LRIF1: variants seen among roughly 807,000 people sequenced by gnomAD.
The protein encoded by LRIF1 is ligand-dependent nuclear receptor-interacting factor 1.
LRIF1 carries 32 observed loss-of-function variants against 52.7 expected under a neutral mutation model. The ratio of observed to expected loss-of-function variants is 0.61; its 90% CI spans 0.46 to 0.82. LRIF1 has a LOEUF of 0.82. Ranked by LOEUF, LRIF1 falls within the 40% of genes least tolerant of loss-of-function variation. The probability of loss-of-function intolerance (pLI) is 0.00; values close to 1 mark genes in which losing one functional copy is unlikely to be tolerated. For missense variants in LRIF1, 887 were observed against 892.0 expected (o/e 0.99, Z 0.07); for synonymous variants, 323 against 317.4 (o/e 1.02, Z -0.19).
At chr1:110,921,978 C>T in the LRIF1 span, among the ~76,000 whole-genome samples, 22 of 152,318 alleles carry the variant, frequency 1.4e-4, no homozygotes, top group Admixed American at 1.3e-3. Flanking sequence ...TCCTCCCACC[C>T]TACAACCTTA....
At chr1:110,915,203 C>T in the LRIF1 span, among the ~76,000 whole-genome samples, 1 of 152,250 alleles carries the variant, frequency 6.6e-6, no homozygotes, top group African/African-American at 2.4e-5. Context: ...AATAAATTTA[C>T]GGCCGGGCGC....
At chr1:110,920,938 G>T in the LRIF1 span, among the ~76,000 whole-genome samples, 2 of 152,130 alleles carry the variant, frequency 1.3e-5, no homozygotes, top group African/African-American at 4.8e-5. Context: ...AATCTAGTTA[G>T]GAGAAATTCT....
At chr1:110,939,392 A>G in the LRIF1 span, 1 of 151,078 alleles carries the variant, frequency 6.6e-6, no homozygotes, top group African/African-American at 2.4e-5. Flanking sequence ...AAAAAAAAAA[A>G]AAAAAAGTCC....
At chr1:110,885,820 C>G in the LRIF1 span, among the ~76,000 whole-genome samples, 4 of 152,100 alleles carry the variant, frequency 2.6e-5, no homozygotes, top group Non-Finnish European at 5.9e-5. Context: ...GCCGAGATCA[C>G]ACCACTGCAC....
rs571910083 is a variant in LRIF1, at chr1:110,963,809, A to AG, written c.-122dup. ...GCTGGAGTTGCCCACAGCAACTGTG[A>AG]GGGGTTCGACCTTAACGGAGGGCGA... is the stretch of plus-strand genomic sequence containing the variant. On this transcript the variant is annotated 5_prime_UTR_variant, in exon 1 of 4. Coordinates refer to ENST00000369763, the MANE Select transcript of LRIF1 (RefSeq NM_018372.4). 114 of 748,736 alleles carry AG rather than the reference A, an allele frequency of 1.5e-4. No individual in the cohort carries two copies. In the East Asian group the frequency reaches 3.2e-3, roughly 21 times the overall value. 46.4% of individuals were successfully genotyped at this position (748,736 alleles called of 1,614,324 possible).
the LRIF1 span, among the ~76,000 whole-genome samples, chr1:110,884,851 ATT>A: frequency 7.9e-5 from 12 of 151,822 alleles, no homozygotes; most frequent in African/African-American, 2.2e-4. Flanking sequence ...TTTTAAATGC[ATT>A]TTTTTGTAAA....
the LRIF1 span, among the ~76,000 whole-genome samples, chr1:110,917,911 G>A: frequency 6.6e-6 from 1 of 151,162 alleles, no homozygotes; most frequent in Non-Finnish European, 1.5e-5. Context: ...TATAAATGGT[G>A]TTTTATGCTC....
intron 1 of LRIF1, among the ~76,000 whole-genome samples, chr1:110,959,198 A>C (rs920558023): frequency 6.6e-6 from 1 of 151,768 alleles, no homozygotes; most frequent in African/African-American, 2.4e-5. Flanking sequence ...AAAATAATAC[A>C]GTTTAACAGT....
At chr1:110,926,067 C>T in the LRIF1 span, among the ~76,000 whole-genome samples, 1 of 151,990 alleles carries the variant, frequency 6.6e-6, no homozygotes, top group East Asian at 1.9e-4. Context: ...GTAAAAATGT[C>T]ATTTTCACCC....
At chr1:110,899,539 G>A in the LRIF1 span, 24 of 209,548 alleles carry the variant, frequency 1.1e-4, no homozygotes, top group Non-Finnish European at 1.3e-4. Context: ...TCCCATTGTC[G>A]AATTAGTCTC....
At chr1:110,898,632 G>C in the LRIF1 span, among the ~76,000 whole-genome samples, 1 of 152,008 alleles carries the variant, frequency 6.6e-6, no homozygotes, top group Non-Finnish European at 1.5e-5. Flanking sequence ...AGTGATGGGT[G>C]AATTGAGGGT....
At chr1:110,877,078 T>A in the LRIF1 span, among the ~76,000 whole-genome samples, 14 of 152,202 alleles carry the variant, frequency 9.2e-5, no homozygotes, top group Non-Finnish European at 1.9e-4. Flanking sequence ...ACCAATTACC[T>A]CTTTAATATT....
chr1:110,907,507 T>A, the LRIF1 span, among the ~76,000 whole-genome samples: 1 of 152,072 alleles, frequency 6.6e-6, no homozygotes, highest in Non-Finnish European at 1.5e-5. Flanking sequence ...CCCAGCACTT[T>A]GGGAGGCCGA....
Position 110,947,683 on chromosome 1 carries a change from T to A in LRIF1, c.*276A>T, listed in dbSNP as rs1348141635. On this transcript the variant is annotated 3_prime_UTR_variant, in exon 4 of 4. Transcript: ENST00000369763. ...AATAACAAAAACCCTGCCCAAATAT[T>A]CAAACTTGGAGAATTCTAGTTAAAA... is the stretch of plus-strand genomic sequence containing the variant. 3 of 249,430 alleles carry A rather than the reference T, an allele frequency of 1.2e-5. No homozygotes were observed. Among genetic ancestry groups the A allele is most frequent in the Admixed American group, 5.1e-5 (1 of 19,564 alleles). The allele number at this position is 249,430 out of a possible 1,614,324, so 15.5% of individuals were successfully genotyped here.
At chr1:110,920,389 G>A in the LRIF1 span, among the ~76,000 whole-genome samples, 1 of 152,252 alleles carries the variant, frequency 6.6e-6, no homozygotes, top group Non-Finnish European at 1.5e-5. Context: ...AAAAAGACAT[G>A]AAGGAACCCT....
the LRIF1 span, chr1:110,894,433 A>T: frequency 1.3e-6 from 2 of 1,517,712 alleles, no homozygotes; most frequent in South Asian, 1.1e-5. Context: ...TTATTGTCTT[A>T]ATACTGAAAG....
At chr1:110,889,064 G>C in the LRIF1 span, among the ~76,000 whole-genome samples, 1 of 152,108 alleles carries the variant, frequency 6.6e-6, no homozygotes, top group East Asian at 1.9e-4. Flanking sequence ...GGATTCTCAA[G>C]AATTTGGAAA....
chr1:110,915,207 C>T, the LRIF1 span, among the ~76,000 whole-genome samples: 1 of 152,142 alleles, frequency 6.6e-6, no homozygotes, highest in Non-Finnish European at 1.5e-5. Context: ...AATTTACGGC[C>T]GGGCGCGGTG....
intron 1 of LRIF1, among the ~76,000 whole-genome samples, chr1:110,962,569 T>C (rs1413855394): frequency 6.6e-6 from 1 of 151,130 alleles, no homozygotes; most frequent in East Asian, 2.0e-4. Context: ...TAGTAATAGT[T>C]AACATTTAAA....
Sources: allele counts gnomAD v4.1 joint callset (sites outside exome capture counted in the v4.1 genomes callset), GRCh38; gene constraint gnomAD v4.1.1; transcripts MANE v1.5; gene names NCBI Gene and HGNC (gene_info 2026-07-23, HGNC 2026-07-21).